Variants in UMODL1 observed in about 807,000 individuals in gnomAD.
The protein encoded by UMODL1 is uromodulin like 1.
A neutral mutation model predicts 136.3 loss-of-function variants in UMODL1; 128 were observed. The observed-to-expected ratio is 0.94, with a 90% CI of 0.81 to 1.09. The LOEUF (loss-of-function observed/expected upper bound fraction) is 1.09, where lower values mean the gene tolerates loss of function less well. UMODL1 is among the 50% of genes least tolerant of loss of function. The pLI is 0.00. For synonymous variants in UMODL1, 721 were observed against 720.0 expected, an observed-to-expected ratio of 1.00 and a Z score of -0.02; for missense variants, 1,766 against 1,725.6, an observed-to-expected ratio of 1.02 and a Z score of -0.41.
chr21:42,073,021 T>C (rs422969), intron 1 of UMODL1, among the ~76,000 whole-genome samples: 118,376 of 151,088 alleles, frequency 0.78, 46,295 homozygotes, highest in Admixed American at 0.85. Flanking sequence ...TGTGTGTGTG[T>C]GCGCGCGCGC....
intron 14 of UMODL1, among the ~76,000 whole-genome samples, chr21:42,118,885 G>T (rs199726197): frequency 1.4e-4 from 3 of 21,516 alleles, no homozygotes; most frequent in Non-Finnish European, 3.5e-4. Flanking sequence ...TTACTGGTTT[G>T]GGGGGGGAAA....
At chr21:42,089,554 G>A (rs2066465850) in intron 5 of UMODL1, among the ~76,000 whole-genome samples, 1 of 152,246 alleles carries the variant, frequency 6.6e-6, no homozygotes, top group Non-Finnish European at 1.5e-5. Flanking sequence ...GTAGGAGATT[G>A]TTAGAAAGAA....
chr21:42,130,672 C>T (rs1479518205), intron 21 of UMODL1, among the ~76,000 whole-genome samples: 1 of 152,158 alleles, frequency 6.6e-6, no homozygotes, highest in Non-Finnish European at 1.5e-5. Flanking sequence ...TTTAGAGGTG[C>T]ACCCTCCTTA....
At chr21:42,106,625 C>T (rs975799238) in intron 9 of UMODL1, among the ~76,000 whole-genome samples, 2 of 152,180 alleles carry the variant, frequency 1.3e-5, no homozygotes, top group Admixed American at 1.3e-4. Context: ...TTCGGTCTTT[C>T]CCCAGGAGGT....
At chr21:42,124,468 C>T (rs1394271821) in intron 17 of UMODL1, among the ~76,000 whole-genome samples, 3 of 152,046 alleles carry the variant, frequency 2.0e-5, no homozygotes, top group African/African-American at 4.8e-5. Flanking sequence ...AGGGCCATGC[C>T]GGGGGTGGCT....
At chr21:42,091,113 C>A (rs1224919543) in intron 6 of UMODL1, among the ~76,000 whole-genome samples, 4 of 152,292 alleles carry the variant, frequency 2.6e-5, no homozygotes, top group African/African-American at 7.2e-5. Flanking sequence ...TCCTAGTGGG[C>A]CACCCTCGCA....
At chr21:42,108,976 C>T (rs2066771581) in intron 9 of UMODL1, among the ~76,000 whole-genome samples, 7 of 66,176 alleles carry the variant, frequency 1.1e-4, no homozygotes, top group South Asian at 5.9e-4. Flanking sequence ...GCATGTAAAG[C>T]TGGTGTTATG....
At chr21:42,083,995 C>A (rs1569144524) in intron 2 of UMODL1, 89 bp from the exon 3 acceptor site, 1 of 1,498,400 alleles carries the variant, frequency 6.7e-7, no homozygotes. Flanking sequence ...CAGAATTCAG[C>A]ACCAGGAAGC....
In UMODL1 at chr21:42,111,154, C is replaced by A. The variant is rs111772429; in HGVS notation, c.1899+33C>A. 1,706 of 1,588,758 alleles carry A rather than the reference C, an allele frequency of 1.1e-3. 16 individuals are homozygous for A. The African/African-American group carries it at 0.019, about 18-fold the overall frequency. The stretch of plus-strand genomic sequence containing the variant: ...GCACTGCCCCGGGTCTGGGGATGGA[C>A]CAGGGGAGCCCCAGCCAGGTGAACC... On this transcript the variant is annotated intron_variant, in intron 11 of 22. Coordinates refer to ENST00000408910, the MANE Select transcript of UMODL1 (RefSeq NM_001004416.3).
At chr21:42,141,247 T>C (rs1310693342) in intron 22 of UMODL1, among the ~76,000 whole-genome samples, 2 of 152,212 alleles carry the variant, frequency 1.3e-5, no homozygotes, top group South Asian at 2.1e-4. Context: ...GCTGGGCAAC[T>C]TCAGAGAAAA....
At position 42,111,076 on chromosome 21, in the gene UMODL1, G is replaced by T. The variant is rs775961567; in HGVS notation, c.1854G>T (p.Val618=). 1 of 1,613,252 alleles carries T rather than the reference G, an allele frequency of 6.2e-7. No individual in the cohort carries two copies. The highest frequency in any genetic ancestry group is 1.7e-5 in the Admixed American group (1 of 59,894). The change falls in exon 11 of 23, where the codon GTG becomes GTT. Residue 618 remains valine, a synonymous_variant. Coordinates refer to ENST00000408910, the MANE Select transcript of UMODL1 (RefSeq NM_001004416.3). ...EPSPRRGGSN[V]VGYDRNNTGK... The stretch of plus-strand genomic sequence containing the variant: ...CACCCAGAAGAGGGGGCAGCAATGT[G>T]GTCGGGTATGACAGGAACAACACAG...
chr21:42,116,691 C>T (rs909058332), intron 14 of UMODL1, among the ~76,000 whole-genome samples: 1 of 151,918 alleles, frequency 6.6e-6, no homozygotes, highest in Admixed American at 6.5e-5. Flanking sequence ...CTGTACAATT[C>T]AGTGGTTTAG....
At chr21:42,135,049 G>A (rs2067187310) in intron 21 of UMODL1, among the ~76,000 whole-genome samples, 1 of 152,220 alleles carries the variant, frequency 6.6e-6, no homozygotes, top group Non-Finnish European at 1.5e-5. Flanking sequence ...AGCCTCACAT[G>A]CCTTCTTCCC....
Position 42,113,636 on chromosome 21 carries a change from G to T in UMODL1, c.2168G>T (p.Trp723Leu). 1 of 1,614,118 alleles carries T rather than the reference G, an allele frequency of 6.2e-7. No individual in the cohort carries two copies. Among genetic ancestry groups the T allele is most frequent in the Non-Finnish European group, 8.5e-7 (1 of 1,180,046 alleles). ...ACCAGCACCGGCTTCCACCTGGCATGGGAGGCGGATCTTGCTATGGACTCC... is the reference window on the plus strand; with the variant it reads ...ACCAGCACCGGCTTCCACCTGGCATTGGAGGCGGATCTTGCTATGGACTCC... ...NVTSTGFHLA[W>L]EADLAMDSTF... Residue 723 changes from tryptophan (W) to leucine (L), a missense_variant, in exon 13 of 23, where the codon TGG (tryptophan) becomes TTG (leucine). By Grantham distance (61) the Trp-to-Leu change is moderately conservative. Coordinates refer to ENST00000408910, the MANE Select transcript of UMODL1 (RefSeq NM_001004416.3).
chr21:42,113,040 T>C (rs1039035996), intron 12 of UMODL1: 1 of 153,064 alleles, frequency 6.5e-6, no homozygotes, highest in Non-Finnish European at 1.5e-5. Context: ...TTCATCCAAA[T>C]GAGCTGTCAA....
chr21:42,127,695 C>T lies in UMODL1; in HGVS notation c.3554C>T (p.Thr1185Ile), dbSNP rs2067078764. 1 of 1,614,120 alleles carries T rather than the reference C, an allele frequency of 6.2e-7. No individual in the cohort carries two copies. The highest frequency in any genetic ancestry group is 8.5e-7 in the Non-Finnish European group (1 of 1,179,988). The change falls in exon 20 of 23, where the codon ACC becomes ATC. Residue 1185 changes from threonine to isoleucine, a missense_variant. By Grantham distance (89) the Thr-to-Ile change is moderately conservative. Coordinates refer to ENST00000408910, the MANE Select transcript of UMODL1 (RefSeq NM_001004416.3). ...NNSCPVPNTY[T>I]NVIENGNSNK... The stretch of plus-strand genomic sequence containing the variant: ...AGCTGCCCTGTGCCCAACACATACA[C>T]CAACGTGATTGAGAACGGCAACTCC...
chr21:42,136,144 G>A (rs2067202602), intron 21 of UMODL1, among the ~76,000 whole-genome samples: 1 of 152,128 alleles, frequency 6.6e-6, no homozygotes, highest in Non-Finnish European at 1.5e-5. Flanking sequence ...GGCTCATAGG[G>A]GCCAGCCAGA....
At position 42,137,646 on chromosome 21, in the gene UMODL1, G is replaced by C. The variant is rs181671409; in HGVS notation, c.*21+5G>C. ...GAGGCGCAGGCTGACAGGAAGGTGG[G>C]TGCGGAGTGGGGTGGGAGGTGCAGG... On this transcript the variant is annotated splice_donor_5th_base_variant and intron_variant, in intron 22 of 22. Transcript: ENST00000408910. 1.5e-6 allele frequency: 1 copy of C among 669,410 alleles called. No individual in the cohort carries two copies. The highest frequency in any genetic ancestry group is 2.0e-5 in the African/African-American group (1 of 49,074). 41.5% of individuals were successfully genotyped at this position (669,410 alleles called of 1,614,324 possible).
intron 6 of UMODL1, among the ~76,000 whole-genome samples, chr21:42,092,124 T>TC (rs1485464340): frequency 6.6e-6 from 1 of 152,090 alleles, no homozygotes; most frequent in Non-Finnish European, 1.5e-5. Context: ...ACTACGGGGA[T>TC]CCGGTGCAGA....
Sources: gnomAD v4.1 joint callset for allele counts (sites outside exome capture counted in the v4.1 genomes callset) on GRCh38, gnomAD v4.1.1 for gene constraint, MANE v1.5 for transcripts, NCBI Gene and HGNC (gene_info 2026-07-23, HGNC 2026-07-21) for gene names.